ASTN2: variants seen among roughly 807,000 people sequenced by gnomAD.
ASTN2 encodes the protein astrotactin 2, also known as astrotactin-2.
In ASTN2, 54 loss-of-function variants were observed where a neutral mutation model predicts 139.8. The ratio of observed to expected loss-of-function variants is 0.39; its 90% confidence interval spans 0.31 to 0.48. ASTN2 has a LOEUF of 0.48. Ranked by LOEUF, ASTN2 falls within the 20% of genes least tolerant of loss-of-function variation. ASTN2 has a pLI of 0.95. For missense variants in ASTN2, 1,565 were observed against 1,725.1 expected (o/e 0.91, Z 1.64); for synonymous variants, 756 against 719.5 (o/e 1.05, Z -0.81).
chr9:117,151,014 A>C (rs1004873590), intron 3 of ASTN2, among the ~76,000 whole-genome samples: 2 of 152,024 alleles, frequency 1.3e-5, no homozygotes, highest in Non-Finnish European at 2.9e-5. Flanking sequence ...GAATGAGTAC[A>C]TTTTTATTGT....
intron 13 of ASTN2, among the ~76,000 whole-genome samples, chr9:116,747,595 C>T (rs1055417222): frequency 1.3e-5 from 2 of 151,970 alleles, no homozygotes; most frequent in Non-Finnish European, 2.9e-5. Flanking sequence ...GAATCAGGGC[C>T]ATCTGCCTCC....
At chr9:117,345,703 G>T (rs1430532879) in intron 1 of ASTN2, among the ~76,000 whole-genome samples, 1 of 152,170 alleles carries the variant, frequency 6.6e-6, no homozygotes, top group East Asian at 1.9e-4. Context: ...GAGGCAAAGG[G>T]CTTCTCTGGA....
At chr9:117,398,503 C>T (rs1830738591) in intron 1 of ASTN2, among the ~76,000 whole-genome samples, 1 of 152,192 alleles carries the variant, frequency 6.6e-6, no homozygotes, top group South Asian at 2.1e-4. Context: ...ATCATGGAGG[C>T]CAGCTATAGA....
chr9:117,277,943 C>T (rs2133137006), intron 2 of ASTN2, among the ~76,000 whole-genome samples: 1 of 152,330 alleles, frequency 6.6e-6, no homozygotes, highest in African/African-American at 2.4e-5. Flanking sequence ...AATCCCTCAA[C>T]TGTGGAAAAC....
At chr9:116,791,646 C>T (rs1465131751) in intron 13 of ASTN2, among the ~76,000 whole-genome samples, 2 of 152,236 alleles carry the variant, frequency 1.3e-5, no homozygotes, top group African/African-American at 4.8e-5. Flanking sequence ...ATTACAATTA[C>T]TGTGCTAATT....
chr9:116,937,173 G>A (rs16936575), intron 10 of ASTN2, among the ~76,000 whole-genome samples: 58 of 151,924 alleles, frequency 3.8e-4, no homozygotes, highest in Non-Finnish European at 6.3e-4. Flanking sequence ...TTCTTTTTCC[G>A]CCTTAAAATG....
At chr9:116,600,323 CAAAAAAAA>C (rs35224783) in intron 19 of ASTN2, among the ~76,000 whole-genome samples, 1 of 118,942 alleles carries the variant, frequency 8.4e-6, no homozygotes, top group African/African-American at 3.4e-5. Context: ...GACCCTGTCT[CAAAAAAAA>C]AAAAAAAAAA....
At chr9:117,252,202 C>T (rs544089614) in intron 2 of ASTN2, among the ~76,000 whole-genome samples, 20 of 152,250 alleles carry the variant, frequency 1.3e-4, no homozygotes, top group Non-Finnish European at 2.5e-4. Context: ...GAAGATAGAG[C>T]CTGAGCACCA....
At chr9:116,957,345 A>C (rs1835740185) in intron 10 of ASTN2, among the ~76,000 whole-genome samples, 1 of 152,206 alleles carries the variant, frequency 6.6e-6, no homozygotes, top group African/African-American at 2.4e-5. Flanking sequence ...TTTCTTAAAT[A>C]CTTTGGGTCA....
At chr9:116,874,884 G>A (rs1833256218) in intron 10 of ASTN2, among the ~76,000 whole-genome samples, 3 of 152,096 alleles carry the variant, frequency 2.0e-5, no homozygotes, top group Admixed American at 2.0e-4. Context: ...TCAGATTTTG[G>A]TAGTTCTCAC....
chr9:116,992,459 G>C (rs1229761023), intron 7 of ASTN2, among the ~76,000 whole-genome samples: 1 of 152,134 alleles, frequency 6.6e-6, no homozygotes, highest in African/African-American at 2.4e-5. Context: ...ATTTAAGAGG[G>C]CATGTAGAAT....
At chr9:116,687,712 T>TGGGAGGGAATCAGGGCCC in intron 16 of ASTN2, among the ~76,000 whole-genome samples, 1 of 149,580 alleles carries the variant, frequency 6.7e-6, no homozygotes, top group Non-Finnish European at 1.5e-5. Context: ...ATGTGGGAGA[T>TGGGAGGGAATCAGGGCCC]GGGAGGGAAT....
rs973288010 is a variant in ASTN2 at position 116,440,790 on chromosome 9, T to C, written c.3601A>G (p.Ile1201Val). The C allele has an allele frequency of 1.2e-6, 2 of 1,612,282 alleles. No homozygotes were observed. Among genetic ancestry groups the C allele is most frequent in the Non-Finnish European group, 1.7e-6 (2 of 1,178,672 alleles). ...TACAGATTGTAGATCTTGTCAGCTA[T>C]TTCTGAGAGGGCAGAAGGGCAGAAA... ...PLVDDNKAEEIADKIYNLYNG... is the reference protein window; with the variant it reads ...PLVDDNKAEEVADKIYNLYNG... Residue 1201 changes from isoleucine to valine, a missense_variant and splice_region_variant, in exon 22 of 23, where the codon ATA becomes GTA. Ile to Val is a conservative substitution (Grantham distance 29). Coordinates refer to ENST00000313400, the MANE Select transcript of ASTN2 (RefSeq NM_001365068.1).
intron 2 of ASTN2, among the ~76,000 whole-genome samples, chr9:117,226,995 A>C (rs1256014020): frequency 1.3e-5 from 2 of 152,166 alleles, no homozygotes; most frequent in African/African-American, 4.8e-5. Context: ...GGCCAGTGAG[A>C]GCCTGGTCAA....
chr9:117,332,056 G>A (rs576914683), intron 1 of ASTN2, among the ~76,000 whole-genome samples: 1 of 152,268 alleles, frequency 6.6e-6, no homozygotes, highest in Non-Finnish European at 1.5e-5. Flanking sequence ...ACTGGGGAGG[G>A]TGTCAGCTCC....
chr9:117,303,973 A>G (rs1473412936), intron 1 of ASTN2, among the ~76,000 whole-genome samples: 1 of 152,182 alleles, frequency 6.6e-6, no homozygotes, highest in African/African-American at 2.4e-5. Context: ...TGATGGAGGC[A>G]GAGAGAAGGA....
intron 10 of ASTN2, among the ~76,000 whole-genome samples, chr9:116,934,012 G>T (rs1272252510): frequency 1.7e-5 from 1 of 60,276 alleles, no homozygotes. Flanking sequence ...TCTGGATCAA[G>T]GGCAGGTCTG....
chr9:117,141,320 G>T lies in ASTN2; in HGVS notation c.1168+6C>A. 7.3e-7 allele frequency: 1 copy of T among 1,366,948 alleles called. No homozygotes were observed. Among genetic ancestry groups the T allele is most frequent in the Non-Finnish European group, 9.8e-7 (1 of 1,021,532 alleles). The allele number at this position is 1,366,948 out of a possible 1,614,324, so 84.7% of individuals were successfully genotyped here. On this transcript the variant is annotated splice_donor_region_variant and intron_variant, in intron 4 of 22. Coordinates refer to ENST00000313400, the MANE Select transcript of ASTN2 (RefSeq NM_001365068.1). ...CTTCCTGGCCAGATGTGCCAGGAGG[G>T]CCTACCTCGAGACTTGCTCCTCCGC...
chr9:117,390,363 C>T (rs549563902), intron 1 of ASTN2, among the ~76,000 whole-genome samples: 112 of 152,208 alleles, frequency 7.4e-4, no homozygotes, highest in African/African-American at 2.6e-3. Flanking sequence ...AACTACAGTC[C>T]ATGGTTTACA....
Sources: gnomAD v4.1 joint callset for allele counts (sites outside exome capture counted in the v4.1 genomes callset) on GRCh38, gnomAD v4.1.1 for gene constraint, MANE v1.5 for transcripts, NCBI Gene and HGNC (gene_info 2026-07-23, HGNC 2026-07-21) for gene names.